The following MORC1 variants were observed in gnomAD, a reference collection of about 807,000 sequenced individuals.
MORC1 encodes MORC family CW-type zinc finger 1, also known as MORC family CW-type zinc finger protein 1.
In MORC1, 59 loss-of-function variants were observed where a neutral mutation model predicts 134.9. The observed-to-expected ratio is 0.44, with a 90% CI of 0.35 to 0.54. The LOEUF is 0.54. Ranked by LOEUF, MORC1 falls within the 20% of genes least tolerant of loss-of-function variation. The pLI is 0.00. For missense variants in MORC1, 947 were observed against 1,134.5 expected, an observed-to-expected ratio of 0.83 and a Z score of 2.37; for synonymous variants, 395 against 391.7, an observed-to-expected ratio of 1.01 and a Z score of -0.10.
chr3:109,115,550 G>A (rs1196878393), intron 1 of MORC1, among the ~76,000 whole-genome samples: 3 of 152,098 alleles, frequency 2.0e-5, no homozygotes, highest in South Asian at 2.1e-4. Context: ...AGAGAAATAC[G>A]ATATGCTTTA....
chr3:109,062,406 TA>T (rs1478048082), intron 10 of MORC1, among the ~76,000 whole-genome samples: 1 of 151,848 alleles, frequency 6.6e-6, no homozygotes, highest in Non-Finnish European at 1.5e-5. Context: ...GAGGAGTGAA[TA>T]TGTAGAACAT....
At chr3:109,100,908 T>C (rs1217232638) in intron 4 of MORC1, among the ~76,000 whole-genome samples, 3 of 152,150 alleles carry the variant, frequency 2.0e-5, no homozygotes, top group East Asian at 3.8e-4. Context: ...CAGGAGGATA[T>C]ATATAGGTTA....
chr3:109,109,613 T>C (rs992653471), intron 3 of MORC1, among the ~76,000 whole-genome samples: 1 of 152,178 alleles, frequency 6.6e-6, no homozygotes, highest in African/African-American at 2.4e-5. Context: ...CTATTGGATA[T>C]GGAAGGGAAG....
chr3:109,084,236 G>A (rs753634808), intron 8 of MORC1, among the ~76,000 whole-genome samples: 24 of 152,074 alleles, frequency 1.6e-4, no homozygotes, highest in South Asian at 8.3e-4. Flanking sequence ...TCAGAATGAT[G>A]TGACCTTATA....
chr3:109,077,835 A>T (rs1296915010), intron 8 of MORC1, among the ~76,000 whole-genome samples: 1 of 152,140 alleles, frequency 6.6e-6, no homozygotes, highest in African/African-American at 2.4e-5. Context: ...TAAGCAAAAA[A>T]AAAATCTAGT....
chr3:109,068,327 A>C (rs1442217518), intron 9 of MORC1, among the ~76,000 whole-genome samples: 2 of 152,166 alleles, frequency 1.3e-5, no homozygotes, highest in Non-Finnish European at 2.9e-5. Flanking sequence ...TATACACTGC[A>C]CAATATGTTG....
intron 8 of MORC1, among the ~76,000 whole-genome samples, chr3:109,082,996 A>G (rs559362554): frequency 6.6e-6 from 1 of 152,346 alleles, no homozygotes; most frequent in African/African-American, 2.4e-5. Flanking sequence ...CAAACTCTCA[A>G]CAGTCAAAGA....
chr3:108,982,267 A>G (rs1947748633), intron 23 of MORC1, among the ~76,000 whole-genome samples: 1 of 152,190 alleles, frequency 6.6e-6, no homozygotes, highest in African/African-American at 2.4e-5. Flanking sequence ...GCTGGAGAGG[A>G]TGTGGAGAAA....
intron 8 of MORC1, among the ~76,000 whole-genome samples, chr3:109,092,169 G>T (rs1182870742): frequency 2.6e-5 from 4 of 152,136 alleles, no homozygotes; most frequent in Admixed American, 6.6e-5. Flanking sequence ...TCTGACACCG[G>T]CATATTAATG....
At chr3:108,986,990 AG>A in intron 21 of MORC1, 41 bp from the exon 22 acceptor site, 1 of 1,444,382 alleles carries the variant, frequency 6.9e-7, no homozygotes, top group African/African-American at 1.4e-5. Context: ...ACAAAAACAT[AG>A]GACATATTAT....
At chr3:109,093,765 T>A (rs112260491) in intron 7 of MORC1, among the ~76,000 whole-genome samples, 222 of 152,346 alleles carry the variant, frequency 1.5e-3, no homozygotes, top group African/African-American at 5.3e-3. Context: ...GTGCCTCTTA[T>A]TATAATTCAA....
intron 21 of MORC1, among the ~76,000 whole-genome samples, chr3:108,999,910 A>G (rs1948352053): frequency 1.3e-5 from 2 of 152,334 alleles, no homozygotes; most frequent in Non-Finnish European, 2.9e-5. Context: ...ATATAACATA[A>G]TGAACACCAT....
At chr3:109,115,883 T>A (rs536409441) in intron 1 of MORC1, among the ~76,000 whole-genome samples, 1 of 152,120 alleles carries the variant, frequency 6.6e-6, no homozygotes, top group South Asian at 2.1e-4. Flanking sequence ...TGGGAAAGAG[T>A]AACTGGTGAG....
intron 8 of MORC1, among the ~76,000 whole-genome samples, chr3:109,090,113 A>AT (rs967930877): frequency 6.6e-6 from 1 of 152,032 alleles, no homozygotes; most frequent in African/African-American, 2.4e-5. Context: ...TATTGGAAAA[A>AT]TTTTTTTTAA....
At chr3:108,975,225 A>T (rs1459748589) in intron 24 of MORC1, among the ~76,000 whole-genome samples, 1 of 152,192 alleles carries the variant, frequency 6.6e-6, no homozygotes, top group Admixed American at 6.5e-5. Context: ...CTGGAGGTTG[A>T]CCAAAACTGT....
At chr3:109,039,925 A>C (rs1209574392) in intron 14 of MORC1, among the ~76,000 whole-genome samples, 7 of 151,876 alleles carry the variant, frequency 4.6e-5, no homozygotes, top group African/African-American at 1.5e-4. Context: ...TTTTCACCTT[A>C]TGGAAACCAG....
intron 3 of MORC1, among the ~76,000 whole-genome samples, chr3:109,104,504 T>C (rs1950986144): frequency 6.6e-6 from 1 of 152,184 alleles, no homozygotes. Context: ...ATCATTAAAT[T>C]ACATAACATA....
chr3:109,082,638 T>C lies in MORC1; in HGVS notation c.689+10798A>G, dbSNP rs145258009. 5.3e-5 allele frequency among the ~76,000 whole-genome samples: 8 copies of C among 151,990 alleles called. No homozygotes were observed. The East Asian group carries it at 1.6e-3, about 30-fold the overall frequency. On this transcript the variant is annotated intron_variant, in intron 8 of 27. Transcript: ENST00000232603. Reference sequence around the variant, plus strand: ...GAACTGAGAAATATACTTACTGAACTAAAAAATTCATTCAAGGCTCTGCAC... The same window carrying C: ...GAACTGAGAAATATACTTACTGAACCAAAAAATTCATTCAAGGCTCTGCAC...
intron 23 of MORC1, among the ~76,000 whole-genome samples, chr3:108,982,993 T>C (rs1340363916): frequency 6.6e-6 from 1 of 151,858 alleles, no homozygotes; most frequent in African/African-American, 2.4e-5. Context: ...GTTTCTAACA[T>C]TCATATTGTA....
Sources: allele counts gnomAD v4.1 joint callset (sites outside exome capture counted in the v4.1 genomes callset), GRCh38; gene constraint gnomAD v4.1.1; transcripts MANE v1.5; gene names NCBI Gene and HGNC (gene_info 2026-07-23, HGNC 2026-07-21).